USP34: variants seen among roughly 807,000 people sequenced by gnomAD.
The protein encoded by USP34 is ubiquitin specific peptidase 34, also known as ubiquitin carboxyl-terminal hydrolase 34.
In USP34, 70 loss-of-function variants were observed where a neutral mutation model predicts 460.3. The observed-to-expected ratio is 0.15, with a 90% CI of 0.13 to 0.19. The LOEUF is 0.19. Ranked by LOEUF, USP34 falls within the 10% of genes least tolerant of loss-of-function variation. USP34 has a pLI of 1.00. For missense variants in USP34, 3,985 were observed against 4,236.2 expected, an observed-to-expected ratio of 0.94 and a Z score of 1.65; for synonymous variants, 1,647 against 1,405.3, an observed-to-expected ratio of 1.17 and a Z score of -3.85.
At chr2:61,229,457 T>TAAAAAAAAAAAAAAAAAAAAAA (rs57231258) in intron 59 of USP34, 91 bp downstream of exon 59, 75 of 382,098 alleles carry the variant, frequency 2.0e-4, no homozygotes, top group Non-Finnish European at 2.5e-4. Flanking sequence ...CCCTATCTCT[T>TAAAAAAAAAAAAAAAAAAAAAA]AAAAAAAAAA....
rs1693854087 is a variant in USP34, at chr2:61,405,805, T to A, written c.455A>T (p.Asp152Val). 1 of 1,613,202 alleles carries A rather than the reference T, an allele frequency of 6.2e-7. No individual in the cohort carries two copies. Among genetic ancestry groups the A allele is most frequent in the Non-Finnish European group, 8.5e-7 (1 of 1,179,776 alleles). Residue 152 changes from aspartate (D) to valine (V), a missense_variant, in exon 3 of 80, where the codon GAT (aspartate) becomes GTT (valine). Around this residue, in one of 14 missense-constraint regions of USP34, gnomAD observed 331 missense variants for 293.7 expected, o/e 1.13. Coordinates refer to ENST00000398571, the MANE Select transcript of USP34 (RefSeq NM_014709.4). ...SSDPFSLWST[D>V]EKEKLLLCVA... ...ACATAGTAAGAGTTTTTCCTTCTCA[T>A]CTGTACTCCATAAACTAAAAGGATC...
At chr2:61,232,863 C>A (rs896678605) in intron 57 of USP34, among the ~76,000 whole-genome samples, 4 of 104,278 alleles carry the variant, frequency 3.8e-5, no homozygotes, top group African/African-American at 7.3e-5. Context: ...TATATATTCC[C>A]CCCCCCCTTT....
intron 10 of USP34, among the ~76,000 whole-genome samples, chr2:61,364,685 T>C (rs960995633): frequency 3.3e-5 from 5 of 152,164 alleles, no homozygotes; most frequent in East Asian, 1.9e-4. Context: ...TCCCAGCACT[T>C]TGGGAGGTCG....
At chr2:61,234,597 G>A (rs1440615832) in intron 57 of USP34, among the ~76,000 whole-genome samples, 1 of 152,076 alleles carries the variant, frequency 6.6e-6, no homozygotes, top group Non-Finnish European at 1.5e-5. Context: ...GAAATAGGAA[G>A]ATGATGTTGG....
chr2:61,241,864 T>A (rs762783962), intron 51 of USP34, 45 bp from the exon 52 acceptor site: 1 of 975,054 alleles, frequency 1.0e-6, no homozygotes, highest in Non-Finnish European at 1.5e-6. Context: ...AAAATGGGTA[T>A]ACTCAGCTAT....
chr2:61,462,841 G>C (rs972424171), intron 1 of USP34, among the ~76,000 whole-genome samples: 3 of 143,874 alleles, frequency 2.1e-5, no homozygotes, highest in African/African-American at 7.8e-5. Context: ...CAGCCTGGGA[G>C]ACAGAGGGAA....
At chr2:61,309,651 T>C (rs1690525872) in intron 27 of USP34, among the ~76,000 whole-genome samples, 2 of 152,324 alleles carry the variant, frequency 1.3e-5, no homozygotes, top group South Asian at 4.1e-4. Context: ...ACTGCTTGAA[T>C]CAGTAGAGGA....
intron 16 of USP34, among the ~76,000 whole-genome samples, chr2:61,342,705 G>T (rs1342845910): frequency 1.3e-5 from 2 of 152,054 alleles, no homozygotes; most frequent in Non-Finnish European, 2.9e-5. Flanking sequence ...GTTGGAGGAG[G>T]TCTTCTAGTA....
At chr2:61,194,951 CAAAA>C (rs59097382) in intron 75 of USP34, among the ~76,000 whole-genome samples, 3,449 of 126,172 alleles carry the variant, frequency 0.027, 79 homozygotes, top group African/African-American at 0.06. Flanking sequence ...GAAACTCTGT[CAAAA>C]AAAAAAAAAA....
At chr2:61,467,819 C>T (rs1164199259) in intron 1 of USP34, among the ~76,000 whole-genome samples, 1 of 151,786 alleles carries the variant, frequency 6.6e-6, no homozygotes, top group Non-Finnish European at 1.5e-5. Flanking sequence ...GATGGGGTTT[C>T]ACCATATTGG....
chr2:61,292,025 G>A (rs1689869991), intron 33 of USP34, among the ~76,000 whole-genome samples: 1 of 152,112 alleles, frequency 6.6e-6, no homozygotes, highest in Non-Finnish European at 1.5e-5. Context: ...CACAGAAACA[G>A]AAAGGAGACT....
rs955019670 is a variant in USP34, at chr2:61,248,786, A to G, written c.6222-103T>C. On this transcript the variant is annotated intron_variant, in intron 48 of 79. Transcript: ENST00000398571. ...CCATTTCAATTTTCAACTCAGAGTTAAGAAGTATAGTAGTTCCCCTTATCC... is the reference window on the plus strand; with the variant it reads ...CCATTTCAATTTTCAACTCAGAGTTGAGAAGTATAGTAGTTCCCCTTATCC... The G allele has an allele frequency of 8.7e-6, 10 of 1,146,618 alleles. 1 individual carries two copies. Among genetic ancestry groups the G allele is most frequent in the Middle Eastern group, 3.1e-4 (1 of 3,206 alleles). The allele number at this position is 1,146,618 out of a possible 1,614,324, so 71.0% of individuals were successfully genotyped here. A position where few individuals can be genotyped will look rare whatever the true frequency, so the allele number is the denominator to read the frequency against.
At chr2:61,249,857 T>C (rs1194255294) in intron 48 of USP34, 1 of 156,888 alleles carries the variant, frequency 6.4e-6, no homozygotes, top group African/African-American at 2.4e-5. Flanking sequence ...GGACAGAATA[T>C]CTCCAAGAGT....
At position 61,188,640 on chromosome 2, in the gene USP34, C is replaced by G. The variant is rs772726701; in HGVS notation, c.10103G>C (p.Cys3368Ser). 10 of 1,614,176 alleles carry G rather than the reference C, an allele frequency of 6.2e-6. No individual in the cohort carries two copies. Among genetic ancestry groups the G allele is most frequent in the African/African-American group, 1.3e-5 (1 of 75,042 alleles). The change falls in exon 80 of 80, where the codon TGC becomes TCC. Residue 3368 changes from cysteine to serine, a missense_variant. Around this residue, in one of 14 missense-constraint regions of USP34, gnomAD observed 506 missense variants for 439.0 expected, o/e 1.15. Coordinates refer to ENST00000398571, the MANE Select transcript of USP34 (RefSeq NM_014709.4). ...SSDEEHTVDS[C>S]ISDMKTETRE... is the part of the protein sequence containing the mutation. ...GGTTTCTGTTTTCATGTCACTGATG[C>G]AGCTGTCTACAGTGTGCTCCTCATC...
intron 51 of USP34, 107 bp from the exon 52 acceptor site, chr2:61,241,926 T>C: frequency 1.6e-6 from 1 of 613,704 alleles, no homozygotes; most frequent in Non-Finnish European, 2.7e-6. Flanking sequence ...AATAGTAACT[T>C]TGTAAGTAGT....
intron 1 of USP34, among the ~76,000 whole-genome samples, chr2:61,461,070 A>G (rs566662846): frequency 6.6e-6 from 1 of 152,120 alleles, no homozygotes; most frequent in East Asian, 1.9e-4. Flanking sequence ...TACAAGTTAG[A>G]AAAAAAGCGA....
intron 10 of USP34, among the ~76,000 whole-genome samples, chr2:61,365,256 T>TACACACACACACACACACACAC (rs34689463): frequency 4.2e-5 from 6 of 142,346 alleles, no homozygotes; most frequent in African/African-American, 1.3e-4. Context: ...CATTTCAAAA[T>TACACACACACACACACACACAC]ACACACACAC....
At chr2:61,428,810 G>A (rs914367942) in intron 1 of USP34, among the ~76,000 whole-genome samples, 1 of 152,108 alleles carries the variant, frequency 6.6e-6, no homozygotes, top group African/African-American at 2.4e-5. Flanking sequence ...TAGGAAGTGA[G>A]GTTTGAAAAT....
chr2:61,223,792 C>T (rs1027661478), intron 62 of USP34: 3 of 153,264 alleles, frequency 2.0e-5, no homozygotes, highest in East Asian at 1.9e-4. Context: ...TTCTATGTAA[C>T]CAGGATTCAG....
Sources: allele counts gnomAD v4.1 joint callset (sites outside exome capture counted in the v4.1 genomes callset), GRCh38; gene constraint gnomAD v4.1.1; regional missense constraint gnomAD v4.1.1; transcripts MANE v1.5; gene names NCBI Gene and HGNC (gene_info 2026-07-23, HGNC 2026-07-21).